TUSC3: variants seen among roughly 807,000 people sequenced by gnomAD.
TUSC3 encodes tumor suppressor candidate 3.
TUSC3 carries 45 observed loss-of-function variants against 44.8 expected under a neutral mutation model. The ratio of observed to expected loss-of-function variants is 1.00; its 90% CI spans 0.79 to 1.29. The LOEUF is 1.29. TUSC3 is among the 50% of genes most tolerant of loss of function. TUSC3 has a pLI of 0.00. For missense variants in TUSC3, 519 were observed against 437.9 expected (o/e 1.19, Z -1.65); for synonymous variants, 212 against 152.9 (o/e 1.39, Z -2.85).
intron 1 of TUSC3, 150 bp downstream of exon 1, chr8:15,540,718 C>A: frequency 8.8e-7 from 1 of 1,139,152 alleles, no homozygotes; most frequent in East Asian, 2.9e-5. Context: ...GTGGGAGGCC[C>A]TGGGGCGTTT....
chr8:15,617,449 T>A (rs1260267039), intron 1 of TUSC3, among the ~76,000 whole-genome samples: 1 of 152,016 alleles, frequency 6.6e-6, no homozygotes, highest in African/African-American at 2.4e-5. Context: ...GTATTCCTGT[T>A]TAAAAAGCCA....
chr8:15,671,544 A>G (rs1807946741), intron 5 of TUSC3, among the ~76,000 whole-genome samples: 1 of 152,014 alleles, frequency 6.6e-6, no homozygotes, highest in Non-Finnish European at 1.5e-5. Flanking sequence ...GAGTAAATAC[A>G]TTTGCCACTA....
At chr8:15,450,772 T>A (rs1452137716) in intron 1 of TUSC3, among the ~76,000 whole-genome samples, 1 of 152,196 alleles carries the variant, frequency 6.6e-6, no homozygotes, top group Non-Finnish European at 1.5e-5. Flanking sequence ...CTGAATTGAA[T>A]GTAAACAGAA....
intron 9 of TUSC3, among the ~76,000 whole-genome samples, chr8:15,757,398 C>T (rs953331073): frequency 6.6e-6 from 1 of 152,078 alleles, no homozygotes; most frequent in Admixed American, 6.6e-5. Context: ...TGATAGTGAA[C>T]AAGTACAGCA....
At chr8:15,592,576 A>G (rs1357843675) in intron 1 of TUSC3, among the ~76,000 whole-genome samples, 1 of 152,160 alleles carries the variant, frequency 6.6e-6, no homozygotes, top group Non-Finnish European at 1.5e-5. Flanking sequence ...ACCATGTGAT[A>G]CATTGGCTCC....
At chr8:15,775,633 CATAT>C in the TUSC3 span, among the ~76,000 whole-genome samples, 89 of 56,008 alleles carry the variant, frequency 1.6e-3, no homozygotes, top group African/African-American at 6.7e-3. Context: ...TATACAGACA[CATAT>C]ATATATATAT....
rs745805714 is a variant in TUSC3 at position 15,659,496 on chromosome 8, A to G, written c.427-11A>G. ...ATCCTATATTTAGTATTTTTTTCTC[A>G]TGTTTTACAGCTCAACATGAACTCT... is the stretch of plus-strand genomic sequence containing the variant. On this transcript the variant is annotated splice_polypyrimidine_tract_variant and intron_variant, in intron 3 of 10. Transcript: ENST00000503731. The G allele has an allele frequency of 6.2e-6, 10 of 1,610,762 alleles. No homozygotes were observed. Among genetic ancestry groups the G allele is most frequent in the Non-Finnish European group, 8.5e-6 (10 of 1,179,282 alleles).
In TUSC3 at chr8:15,540,303, C is replaced by T. The variant is rs1463452792; in HGVS notation, c.-128C>T. The T allele has an allele frequency of 1.5e-6, 2 of 1,306,686 alleles. No individual in the cohort carries two copies. Among genetic ancestry groups the T allele is most frequent in the Non-Finnish European group, 9.9e-7 (1 of 1,014,624 alleles). 80.9% of individuals were successfully genotyped at this position (1,306,686 alleles called of 1,614,324 possible). On this transcript the variant is annotated 5_prime_UTR_variant, in exon 1 of 11. Coordinates refer to ENST00000503731, the MANE Select transcript of TUSC3 (RefSeq NM_006765.4). ...GTCCTCGGCCGCGGCCCGGGTCCCT[C>T]GCAAAGCCGCTGCCATCCCGGAGGG...
intron 2 of TUSC3, among the ~76,000 whole-genome samples, chr8:15,644,487 G>T (rs543200403): frequency 1.3e-5 from 2 of 152,320 alleles, no homozygotes; most frequent in African/African-American, 2.4e-5. Flanking sequence ...GAGGTCAGAA[G>T]TGTGCTAATA....
At chr8:15,520,350 A>G (rs1275060380) in intron 2 of TUSC3, among the ~76,000 whole-genome samples, 1 of 152,206 alleles carries the variant, frequency 6.6e-6, no homozygotes, top group Non-Finnish European at 1.5e-5. Context: ...ACTTAATGAC[A>G]TTGTAACCTT....
intron 7 of TUSC3, among the ~76,000 whole-genome samples, chr8:15,739,019 G>A (rs982877971): frequency 6.6e-6 from 1 of 151,406 alleles, no homozygotes; most frequent in Non-Finnish European, 1.5e-5. Flanking sequence ...TCTTAATAGA[G>A]ACGGGATTTC....
chr8:15,453,847 G>A (rs1800223113), intron 1 of TUSC3, among the ~76,000 whole-genome samples: 1 of 152,128 alleles, frequency 6.6e-6, no homozygotes, highest in Non-Finnish European at 1.5e-5. Context: ...ATAATTGGTT[G>A]CAACCAGCAC....
intron 1 of TUSC3, among the ~76,000 whole-genome samples, chr8:15,570,105 G>C (rs1016005668): frequency 6.6e-6 from 1 of 151,918 alleles, no homozygotes; most frequent in Non-Finnish European, 1.5e-5. Context: ...ACTACTCTTG[G>C]TTATAGCTTG....
At chr8:15,428,940 G>C (rs939803783) in intron 1 of TUSC3, among the ~76,000 whole-genome samples, 16 of 152,070 alleles carry the variant, frequency 1.1e-4, no homozygotes, top group African/African-American at 3.9e-4. Flanking sequence ...CTCTGATGGT[G>C]GTTGCTTTTG....
At chr8:15,808,176 C>A in the TUSC3 span, among the ~76,000 whole-genome samples, 1 of 152,048 alleles carries the variant, frequency 6.6e-6, no homozygotes, top group Non-Finnish European at 1.5e-5. Context: ...ATTTGAGTAA[C>A]AATTACCTGC....
intron 1 of TUSC3, among the ~76,000 whole-genome samples, chr8:15,445,911 G>A (rs1162128831): frequency 6.6e-6 from 1 of 150,924 alleles, no homozygotes; most frequent in Non-Finnish European, 1.5e-5. Flanking sequence ...GGGCGGAGGC[G>A]CCCCCCACCT....
rs1563136021 is a variant in TUSC3, at chr8:15,617,140, T to TGTGTGTGTGTGTGTG, written c.139-5940_139-5939insGTGTGTGTGTGTGTG. Reference sequence around the variant, plus strand: ...GTAAAATGTGTGTGTGTGTATATATTTTTTTTTTTTTTTTTTTGAGACAGA... The same window carrying TGTGTGTGTGTGTGTG: ...GTAAAATGTGTGTGTGTGTATATATTGTGTGTGTGTGTGTGTTTTTTTTTTTTTTTTTGAGACAGA... On this transcript the variant is annotated intron_variant, in intron 1 of 10. Coordinates refer to ENST00000503731, the MANE Select transcript of TUSC3 (RefSeq NM_006765.4). Among the ~76,000 whole-genome samples the TGTGTGTGTGTGTGTG allele has an allele frequency of 2.3e-3, 19 of 8,142 alleles. No homozygotes were observed. In the East Asian group the frequency reaches 0.16, roughly 69 times the overall value. The allele number at this position is 8,142 out of a possible 152,430, so 5.3% of individuals were successfully genotyped here. A position where few individuals can be genotyped will look rare whatever the true frequency, so the allele number is the denominator to read the frequency against.
chr8:15,417,639 T>A (rs1431314357), intron 1 of TUSC3, among the ~76,000 whole-genome samples: 1 of 152,154 alleles, frequency 6.6e-6, no homozygotes, highest in African/African-American at 2.4e-5. Flanking sequence ...AAATATATAC[T>A]AGAGAGAAAA....
At chr8:15,600,154 A>G (rs916102899) in intron 1 of TUSC3, among the ~76,000 whole-genome samples, 2 of 151,814 alleles carry the variant, frequency 1.3e-5, no homozygotes, top group Non-Finnish European at 3.0e-5. Flanking sequence ...CAATTATTTT[A>G]TAAGCATTTG....
Sources: gnomAD v4.1 joint callset for allele counts (sites outside exome capture counted in the v4.1 genomes callset) on GRCh38, gnomAD v4.1.1 for gene constraint, MANE v1.5 for transcripts, NCBI Gene and HGNC (gene_info 2026-07-23, HGNC 2026-07-21) for gene names.